The following MAP4 variants were observed in gnomAD, a reference collection of about 807,000 sequenced individuals.
The protein encoded by MAP4 is microtubule-associated protein 4.
A neutral mutation model predicts 170.2 loss-of-function variants in MAP4; 76 were observed. The observed-to-expected ratio is 0.45, with a 90% CI of 0.37 to 0.54. The LOEUF is 0.54. Among genes scored for constraint, MAP4 ranks in the 20% least tolerant of loss-of-function variants. The probability of loss-of-function intolerance (pLI) is 0.00; values close to 1 mark genes in which losing one functional copy is unlikely to be tolerated. For synonymous variants in MAP4, 909 were observed against 994.5 expected, an observed-to-expected ratio of 0.91 and a Z score of 1.62; for missense variants, 2,506 against 2,748.0, an observed-to-expected ratio of 0.91 and a Z score of 1.97.
chr3:47,920,896 G>A (rs1031861747), intron 5 of MAP4, among the ~76,000 whole-genome samples: 8 of 152,152 alleles, frequency 5.3e-5, no homozygotes, highest in African/African-American at 1.9e-4. Context: ...AAAGGCTCAC[G>A]CCTGTAATCT....
intron 3 of MAP4, among the ~76,000 whole-genome samples, chr3:47,970,540 T>A (rs1216395521): frequency 6.6e-6 from 1 of 151,880 alleles, no homozygotes; most frequent in Non-Finnish European, 1.5e-5. Context: ...CTGGGCGTGG[T>A]GGCTCACACC....
At chr3:47,912,546 T>A in intron 8 of MAP4, 125 bp from the exon 9 acceptor site, 1 of 699,886 alleles carries the variant, frequency 1.4e-6, no homozygotes, top group Non-Finnish European at 2.1e-6. Context: ...CTAATACATA[T>A]AGTACTTACT....
intron 1 of MAP4, among the ~76,000 whole-genome samples, chr3:48,076,564 A>C (rs2100144018): frequency 6.6e-6 from 1 of 151,780 alleles, no homozygotes; most frequent in Admixed American, 6.6e-5. Flanking sequence ...CTGTAGTCCT[A>C]CCTACTCAGG....
intron 1 of MAP4, among the ~76,000 whole-genome samples, chr3:48,055,458 G>A (rs1208193853): frequency 2.7e-5 from 4 of 150,732 alleles, no homozygotes; most frequent in Non-Finnish European, 4.4e-5. Flanking sequence ...CGCCAACCTC[G>A]GCCTCCCGAG....
intron 1 of MAP4, among the ~76,000 whole-genome samples, chr3:48,081,492 TTA>T (rs1260294146): frequency 6.6e-6 from 1 of 152,038 alleles, no homozygotes; most frequent in African/African-American, 2.4e-5. Flanking sequence ...GAAATTTACT[TTA>T]TATGACAATT....
chr3:48,002,991 A>AATTAATTAATT (rs1559772840), intron 1 of MAP4, among the ~76,000 whole-genome samples: 80 of 150,546 alleles, frequency 5.3e-4, no homozygotes, highest in African/African-American at 1.9e-3. Flanking sequence ...ATAAATAAAT[A>AATTAATTAATT]AATTTAATTC....
chr3:47,941,914 G>C (rs2100056749), intron 3 of MAP4, among the ~76,000 whole-genome samples: 2 of 151,986 alleles, frequency 1.3e-5, no homozygotes, highest in African/African-American at 4.8e-5. Context: ...TATTTTTCAG[G>C]TTTCTCCAGT....
intron 17 of MAP4, among the ~76,000 whole-genome samples, chr3:47,862,075 C>G (rs1425472057): frequency 6.8e-6 from 1 of 146,884 alleles, no homozygotes; most frequent in East Asian, 2.1e-4. Flanking sequence ...ACAGGAGAAT[C>G]ACTTGAATTC....
At chr3:47,932,594 T>C (rs1474121934) in intron 3 of MAP4, among the ~76,000 whole-genome samples, 5 of 152,168 alleles carry the variant, frequency 3.3e-5, no homozygotes, top group Admixed American at 2.6e-4. Flanking sequence ...GTTGTTATCT[T>C]TTTTTATCGT....
intron 1 of MAP4, among the ~76,000 whole-genome samples, chr3:48,044,692 C>T (rs1052045243): frequency 2.0e-5 from 3 of 150,534 alleles, no homozygotes; most frequent in African/African-American, 7.3e-5. Context: ...GAACCTAGGA[C>T]GGGTTCACTA....
rs1167906300 is a variant in MAP4, at chr3:48,074,509, C to CTTT, written c.-20+14261_-20+14263dup. ...TACATTATATATATATATACACACA[C>CTTT]TTTTTTTTTTTTTTTTTTTTTTGAG... On this transcript the variant is annotated intron_variant, in intron 1 of 18. Coordinates refer to the MAP4 transcript ENST00000360240. Among the ~76,000 whole-genome samples, 183 of 112,514 alleles carry CTTT rather than the reference C, an allele frequency of 1.6e-3. 11 individuals are homozygous for CTTT. Among genetic ancestry groups the CTTT allele is most frequent in the African/African-American group, 6.6e-3 (158 of 24,090 alleles). The allele number at this position is 112,514 out of a possible 152,430, so 73.8% of individuals were successfully genotyped here. A position where few individuals can be genotyped will look rare whatever the true frequency, so the allele number is the denominator to read the frequency against.
chr3:47,895,740 T>G (rs2153190071), intron 10 of MAP4, among the ~76,000 whole-genome samples: 1 of 152,302 alleles, frequency 6.6e-6, no homozygotes, highest in East Asian at 1.9e-4. Context: ...CCTTCAGATA[T>G]CACATATTCT....
At chr3:47,948,444 G>A (rs956881082) in intron 3 of MAP4, among the ~76,000 whole-genome samples, 6 of 151,074 alleles carry the variant, frequency 4.0e-5, no homozygotes, top group African/African-American at 1.2e-4. Context: ...GGCTGGTCTC[G>A]AACTCCTGGG....
intron 10 of MAP4, among the ~76,000 whole-genome samples, chr3:47,879,596 C>G (rs547354283): frequency 1.2e-4 from 18 of 152,236 alleles, no homozygotes; most frequent in African/African-American, 3.9e-4. Flanking sequence ...TCAGATTTTT[C>G]ACTTTACATG....
At chr3:47,912,723 T>C (rs958972275) in intron 8 of MAP4, among the ~76,000 whole-genome samples, 7 of 152,174 alleles carry the variant, frequency 4.6e-5, no homozygotes, top group Admixed American at 2.6e-4. Flanking sequence ...AATGAAACAT[T>C]TCACATCTTT....
At chr3:47,897,928 T>C (rs2100027819) in intron 10 of MAP4, among the ~76,000 whole-genome samples, 1 of 129,954 alleles carries the variant, frequency 7.7e-6, no homozygotes, top group Admixed American at 8.0e-5. Flanking sequence ...GGCAACAGAG[T>C]GAGACTCCAT....
intron 1 of MAP4, among the ~76,000 whole-genome samples, chr3:48,068,264 C>A (rs1469808512): frequency 7.5e-3 from 795 of 106,472 alleles, no homozygotes; most frequent in South Asian, 0.011. Flanking sequence ...GATTCTGTCT[C>A]AAAAAAAAAA....
At chr3:48,010,873 G>A (rs1174630338) in intron 1 of MAP4, among the ~76,000 whole-genome samples, 4 of 152,068 alleles carry the variant, frequency 2.6e-5, no homozygotes, top group East Asian at 1.9e-4. Context: ...CTCGAACATC[G>A]GACTCCAAGT....
In MAP4 at chr3:47,852,654, G is replaced by C; in HGVS notation, c.*280C>G. On this transcript the variant is annotated 3_prime_UTR_variant, in exon 21 of 21. Transcript: ENST00000683076. ...GAGCAGTGGCGCAGTGATGGGGCAA[G>C]ACCAAAGCAGGGAGATGGGCCCAGG... 8.0e-7 allele frequency: 1 copy of C among 1,248,018 alleles called. No individual in the cohort carries two copies. The highest frequency in any genetic ancestry group is 1.5e-5 in the South Asian group (1 of 65,962). The allele number at this position is 1,248,018 out of a possible 1,614,324, so 77.3% of individuals were successfully genotyped here. A position where few individuals can be genotyped will look rare whatever the true frequency, so the allele number is the denominator to read the frequency against.
Sources: gnomAD v4.1 joint callset for allele counts (sites outside exome capture counted in the v4.1 genomes callset) on GRCh38, gnomAD v4.1.1 for gene constraint, MANE v1.5 for transcripts, NCBI Gene and HGNC (gene_info 2026-07-23, HGNC 2026-07-21) for gene names.